The following NCOA1 variants were observed in gnomAD, a reference collection of about 807,000 sequenced individuals.
NCOA1 encodes the protein Hin-2 protein.
NCOA1 carries 35 observed loss-of-function variants against 150.9 expected under a neutral mutation model. The observed-to-expected ratio is 0.23, with a 90% CI of 0.18 to 0.31. The LOEUF (loss-of-function observed/expected upper bound fraction) is 0.31. NCOA1 is among the 10% of genes least tolerant of loss of function. NCOA1 has a pLI of 1.00. For synonymous variants in NCOA1, 590 were observed against 630.0 expected, an observed-to-expected ratio of 0.94 and a Z score of 0.95; for missense variants, 1,491 against 1,749.3, an observed-to-expected ratio of 0.85 and a Z score of 2.63.
intron 1 of NCOA1, among the ~76,000 whole-genome samples, chr2:24,505,982 A>G (rs1320770821): frequency 6.6e-6 from 1 of 150,988 alleles, no homozygotes; most frequent in Non-Finnish European, 1.5e-5. Flanking sequence ...TCACACACAC[A>G]CTCACTCTCA....
chr2:24,691,784 G>A (rs1672678685), intron 9 of NCOA1, 124 bp downstream of exon 9: 4 of 870,068 alleles, frequency 4.6e-6, no homozygotes, highest in Non-Finnish European at 5.1e-6. Flanking sequence ...GTATCATAGT[G>A]GCTATTCCAT....
In NCOA1 at chr2:24,741,810, A is replaced by C. The variant is rs767519325; in HGVS notation, c.3330A>C (p.Ala1110=). ...CACCCCTGAATGCTCAAATGTTGGC[A>C]CAACGTCAGCGGGAACTGTACAGTC... ...PQPPLNAQML[A]QRQRELYSQQ... Residue 1110 remains alanine, a synonymous_variant, in exon 19 of 23, where the codon GCA becomes GCC. Transcript: ENST00000348332. The C allele has an allele frequency of 1.2e-6, 2 of 1,613,526 alleles. No individual in the cohort carries two copies. Among genetic ancestry groups the C allele is most frequent in the Non-Finnish European group, 1.7e-6 (2 of 1,179,710 alleles).
At chr2:24,750,427 T>TA (rs1426710404) in intron 19 of NCOA1, among the ~76,000 whole-genome samples, 2 of 152,182 alleles carry the variant, frequency 1.3e-5, no homozygotes, top group African/African-American at 4.8e-5. Context: ...AGTTCAGAAG[T>TA]AAACCCTTAC....
chr2:24,557,019 G>A (rs564049651), intron 1 of NCOA1, among the ~76,000 whole-genome samples: 3 of 150,656 alleles, frequency 2.0e-5, no homozygotes, highest in Non-Finnish European at 3.0e-5. Context: ...GGTTGGGGGG[G>A]GTGGCTATCC....
chr2:24,665,986 TTATTATTATTATTATTATTA>T, intron 6 of NCOA1, 71 bp downstream of exon 6: 1 of 577,700 alleles, frequency 1.7e-6, no homozygotes, highest in African/African-American at 2.7e-5. Context: ...TGATTTTACT[TTATTATTATTATTATTATTA>T]TTTTATTATT....
intron 11 of NCOA1, among the ~76,000 whole-genome samples, chr2:24,702,056 A>G (rs1208109890): frequency 6.6e-6 from 1 of 152,218 alleles, no homozygotes; most frequent in Non-Finnish European, 1.5e-5. Context: ...GAAAGGGTTT[A>G]TGGTATTAAG....
intron 14 of NCOA1, among the ~76,000 whole-genome samples, chr2:24,718,339 A>C (rs1674164499): frequency 6.6e-6 from 1 of 152,224 alleles, no homozygotes; most frequent in South Asian, 2.1e-4. Context: ...GGTGTGGAAC[A>C]ATTTGAACTT....
At chr2:24,617,196 C>T (rs1366820955) in intron 3 of NCOA1, among the ~76,000 whole-genome samples, 7 of 152,132 alleles carry the variant, frequency 4.6e-5, no homozygotes, top group Non-Finnish European at 1.0e-4. Flanking sequence ...TGTTGAATTT[C>T]AGGGCCCTTT....
chr2:24,635,108 A>G (rs1669882221), intron 3 of NCOA1, among the ~76,000 whole-genome samples: 1 of 152,184 alleles, frequency 6.6e-6, no homozygotes, highest in Non-Finnish European at 1.5e-5. Context: ...AATATTTAGA[A>G]GAATAAGCTT....
intron 2 of NCOA1, among the ~76,000 whole-genome samples, chr2:24,578,931 C>G (rs954745211): frequency 1.3e-5 from 2 of 152,110 alleles, no homozygotes; most frequent in African/African-American, 4.8e-5. Flanking sequence ...TAGTTCATAT[C>G]CATTACATAT....
chr2:24,671,437 G>C (rs2148516364), intron 6 of NCOA1, among the ~76,000 whole-genome samples: 1 of 152,218 alleles, frequency 6.6e-6, no homozygotes, highest in South Asian at 2.1e-4. Flanking sequence ...CTAGAAGATT[G>C]CTTGAATTTA....
chr2:24,645,487 G>A (rs1207894620), intron 4 of NCOA1, among the ~76,000 whole-genome samples: 1 of 147,068 alleles, frequency 6.8e-6, no homozygotes, highest in Non-Finnish European at 1.5e-5. Context: ...TCCAACCTGG[G>A]TGACAGAGCG....
At chr2:24,560,792 G>A (rs1464407195) in intron 1 of NCOA1, among the ~76,000 whole-genome samples, 1 of 152,118 alleles carries the variant, frequency 6.6e-6, no homozygotes, top group African/African-American at 2.4e-5. Context: ...TTTTTAGATA[G>A]GATCATAGAG....
intron 2 of NCOA1, among the ~76,000 whole-genome samples, chr2:24,576,163 G>GTTTTTTTCTTTTTTTTTTTTTTTTTTT (rs1491073238): frequency 1.1e-5 from 1 of 92,734 alleles, no homozygotes; most frequent in Non-Finnish European, 2.1e-5. Flanking sequence ...TTTTTTTTTT[G>GTTTTTTTCTTTTTTTTTTTTTTTTTTT]TTTTTTGTTT....
chr2:24,523,624 A>AAAAAAAG, intron 1 of NCOA1, among the ~76,000 whole-genome samples: 1 of 131,720 alleles, frequency 7.6e-6, no homozygotes, highest in Non-Finnish European at 1.7e-5. Flanking sequence ...AAAAAAAAAA[A>AAAAAAAG]AAAAAAGAAA....
In NCOA1 at chr2:24,768,330, C is replaced by G. The variant is rs755733138; in HGVS notation, c.4265C>G (p.Ser1422Ter). 8 of 1,613,882 alleles carry G rather than the reference C, an allele frequency of 5.0e-6. No homozygotes were observed. The change falls in exon 23 of 23, where the codon TCA (serine) becomes TGA (stop). Residue 1422 changes from serine to a stop codon, truncating the protein, a stop_gained. Coordinates refer to ENST00000348332, the MANE Select transcript of NCOA1 (RefSeq NM_003743.5). LOFTEE classifies it high-confidence loss of function. Reference protein sequence around the residue: ...PGPLGTQKPTSGPQTPQAQQK... With the variant: ...PGPLGTQKPT Reference sequence around the variant, plus strand: ...CCACTGGGAACTCAAAAGCCCACGTCAGGACCACAGACCCCCCAGGCCCAG... The same window carrying G: ...CCACTGGGAACTCAAAAGCCCACGTGAGGACCACAGACCCCCCAGGCCCAG...
chr2:24,732,771 T>C (rs1453319541), intron 17 of NCOA1, among the ~76,000 whole-genome samples: 1 of 152,196 alleles, frequency 6.6e-6, no homozygotes, highest in East Asian at 1.9e-4. Flanking sequence ...TCTGCAATCC[T>C]TGGCATGCCA....
chr2:24,713,860 C>G (rs1424134263), intron 14 of NCOA1, among the ~76,000 whole-genome samples: 1 of 152,206 alleles, frequency 6.6e-6, no homozygotes, highest in East Asian at 1.9e-4. Flanking sequence ...ACTTGCTGAA[C>G]AAAGTACCCG....
intron 1 of NCOA1, among the ~76,000 whole-genome samples, chr2:24,550,685 A>G (rs1278636469): frequency 2.0e-5 from 3 of 152,258 alleles, no homozygotes; most frequent in Admixed American, 6.5e-5. Context: ...TTTTATGTGC[A>G]TAGAATATCT....
Sources: allele counts gnomAD v4.1 joint callset (sites outside exome capture counted in the v4.1 genomes callset), GRCh38; gene constraint gnomAD v4.1.1; transcripts MANE v1.5; gene names NCBI Gene and HGNC (gene_info 2026-07-23, HGNC 2026-07-21).